The following DNAJC5B variants were observed in gnomAD, a reference collection of about 807,000 sequenced individuals.
DNAJC5B encodes the protein dnaJ homolog subfamily C member 5B.
In DNAJC5B, 23 loss-of-function variants were observed where a neutral mutation model predicts 24.7. That is an observed-to-expected ratio of 0.93 (90% CI 0.67 to 1.32). The LOEUF is 1.32. Ranked by LOEUF, DNAJC5B falls within the 40% of genes most tolerant of loss-of-function variation. The pLI is 0.00. For synonymous variants in DNAJC5B, 101 were observed against 90.1 expected (o/e 1.12, Z -0.68); for missense variants, 238 against 240.8 (o/e 0.99, Z 0.08).
At chr8:66,045,030 A>T (rs1278446654) in intron 2 of DNAJC5B, among the ~76,000 whole-genome samples, 1 of 152,228 alleles carries the variant, frequency 6.6e-6, no homozygotes, top group Non-Finnish European at 1.5e-5. Flanking sequence ...TAAAGGTTTC[A>T]ATGTATTACT....
At chr8:66,062,483 A>G (rs182912565) in intron 3 of DNAJC5B, among the ~76,000 whole-genome samples, 211 of 152,364 alleles carry the variant, frequency 1.4e-3, no homozygotes, top group African/African-American at 4.9e-3. Context: ...CTCATTTGTA[A>G]CATAAACATT....
At chr8:66,063,277 G>A (rs1807122751) in intron 3 of DNAJC5B, among the ~76,000 whole-genome samples, 1 of 152,244 alleles carries the variant, frequency 6.6e-6, no homozygotes, top group Non-Finnish European at 1.5e-5. Context: ...AAGCAGAAAA[G>A]AGTGCCATTT....
intron 1 of DNAJC5B, among the ~76,000 whole-genome samples, chr8:66,028,715 C>A (rs1265181560): frequency 3.3e-5 from 5 of 152,186 alleles, no homozygotes; most frequent in Non-Finnish European, 5.9e-5. Flanking sequence ...TCACCTCAGC[C>A]AGTTCTTCCT....
chr8:66,017,738 G>A (rs1267871687), upstream of DNAJC5B, among the ~76,000 whole-genome samples: 1 of 152,182 alleles, frequency 6.6e-6, no homozygotes, highest in Non-Finnish European at 1.5e-5. Flanking sequence ...GCAGGCCTCT[G>A]AAAAGTCAGA....
intron 5 of DNAJC5B, among the ~76,000 whole-genome samples, chr8:66,091,939 A>T (rs114759120): frequency 6.6e-6 from 1 of 152,182 alleles, no homozygotes; most frequent in Non-Finnish European, 1.5e-5. Context: ...GTATGATTCC[A>T]TTTATATGAA....
At chr8:66,065,491 C>G (rs564473472) in intron 3 of DNAJC5B, among the ~76,000 whole-genome samples, 1 of 152,332 alleles carries the variant, frequency 6.6e-6, no homozygotes, top group East Asian at 1.9e-4. Flanking sequence ...GCTTTCTATT[C>G]TGTCCCTTAT....
At chr8:66,052,495 C>T (rs1187833966) in intron 3 of DNAJC5B, among the ~76,000 whole-genome samples, 1 of 152,138 alleles carries the variant, frequency 6.6e-6, no homozygotes, top group African/African-American at 2.4e-5. Flanking sequence ...ACAACCCAAA[C>T]ATATGAGAGA....
intron 1 of DNAJC5B, among the ~76,000 whole-genome samples, chr8:66,038,605 G>T (rs1483045937): frequency 1.3e-5 from 2 of 152,244 alleles, no homozygotes; most frequent in Admixed American, 6.5e-5. Flanking sequence ...TTTAACTCAA[G>T]AAGTATCCAA....
the DNAJC5B span, among the ~76,000 whole-genome samples, chr8:66,016,158 A>G: frequency 6.6e-6 from 1 of 152,342 alleles, no homozygotes; most frequent in Non-Finnish European, 1.5e-5. Flanking sequence ...CACATGACAG[A>G]AAAGCAAAAG....
At chr8:66,095,306 A>G (rs1807926080) in intron 5 of DNAJC5B, among the ~76,000 whole-genome samples, 1 of 152,006 alleles carries the variant, frequency 6.6e-6, no homozygotes, top group Non-Finnish European at 1.5e-5. Flanking sequence ...CAAAAAGAAA[A>G]AATGGTTTCT....
At chr8:66,080,734 T>C (rs553510632) in intron 5 of DNAJC5B, among the ~76,000 whole-genome samples, 186 bp downstream of exon 5, 19 of 152,180 alleles carry the variant, frequency 1.2e-4, no homozygotes, top group African/African-American at 4.6e-4. Context: ...TTACCAGGCA[T>C]AGAGAAAAGC....
intron 3 of DNAJC5B, among the ~76,000 whole-genome samples, chr8:66,063,617 A>G (rs969500097): frequency 1.3e-5 from 2 of 152,130 alleles, no homozygotes; most frequent in African/African-American, 4.8e-5. Flanking sequence ...CAAGTCTTTC[A>G]CTTGATCGAA....
intron 3 of DNAJC5B, among the ~76,000 whole-genome samples, chr8:66,068,760 CAAAG>C (rs1431432704): frequency 6.6e-6 from 1 of 152,002 alleles, no homozygotes; most frequent in Non-Finnish European, 1.5e-5. Flanking sequence ...AAAATAAAGA[CAAAG>C]AACTCTATAC....
At chr8:66,014,992 T>C in the DNAJC5B span, among the ~76,000 whole-genome samples, 3 of 152,096 alleles carry the variant, frequency 2.0e-5, no homozygotes, top group Admixed American at 2.0e-4. Flanking sequence ...CAAGGGAACA[T>C]ACAGATAACG....
At chr8:66,061,313 C>T (rs547815013) in intron 3 of DNAJC5B, among the ~76,000 whole-genome samples, 18 of 152,082 alleles carry the variant, frequency 1.2e-4, no homozygotes, top group African/African-American at 2.7e-4. Context: ...GCAAGGTATT[C>T]GGAAAGACCT....
chr8:66,090,283 T>TG (rs1807820851), intron 5 of DNAJC5B, among the ~76,000 whole-genome samples: 1 of 122,120 alleles, frequency 8.2e-6, no homozygotes, highest in Non-Finnish European at 1.9e-5. Flanking sequence ...GTGTGTGTGG[T>TG]AGAGAGAGAG....
chr8:66,059,919 C>T (rs1012307036), intron 3 of DNAJC5B, among the ~76,000 whole-genome samples: 4 of 152,222 alleles, frequency 2.6e-5, no homozygotes, highest in African/African-American at 9.6e-5. Flanking sequence ...TCTCAGTCCC[C>T]AAGTCCCGAC....
intron 2 of DNAJC5B, among the ~76,000 whole-genome samples, chr8:66,046,901 C>A (rs1036981255): frequency 6.6e-6 from 1 of 152,238 alleles, no homozygotes; most frequent in Non-Finnish European, 1.5e-5. Context: ...TTTGGATGTC[C>A]ATTATTTTAT....
intron 1 of DNAJC5B, among the ~76,000 whole-genome samples, chr8:66,027,603 T>C (rs545831964): frequency 1.3e-5 from 2 of 152,360 alleles, no homozygotes; most frequent in African/African-American, 4.8e-5. Flanking sequence ...ACAGACGTTT[T>C]AGCCAGTTGA....
Sources: allele counts gnomAD v4.1 joint callset (sites outside exome capture counted in the v4.1 genomes callset), GRCh38; gene constraint gnomAD v4.1.1; transcripts MANE v1.5; gene names NCBI Gene and HGNC (gene_info 2026-07-23, HGNC 2026-07-21).